The following LYN variants were observed in gnomAD, a reference collection of about 807,000 sequenced individuals.
The protein encoded by LYN is tyrosine-protein kinase Lyn.
Under a neutral mutation model 65.0 loss-of-function variants are expected in LYN, and 12 were observed. That is an observed-to-expected ratio of 0.18 (90% confidence interval 0.12 to 0.30). The LOEUF (loss-of-function observed/expected upper bound fraction) is 0.30, where lower values mean the gene tolerates loss of function less well. Among genes scored for constraint, LYN ranks in the 10% least tolerant of loss-of-function variants. The pLI, the probability that LYN is intolerant of heterozygous loss-of-function variation, is 1.00. For synonymous variants in LYN, 222 were observed against 221.2 expected (o/e 1.00, Z -0.03); for missense variants, 380 against 623.2 (o/e 0.61, Z 4.16).
chr8:56,012,886 C>T lies in LYN; in HGVS notation c.*2776C>T, dbSNP rs983441791. On this transcript the variant is annotated 3_prime_UTR_variant, in exon 13 of 13. Transcript: ENST00000519728. ...GGAAGAGAAGGAAGGAGGAAAAAAA[C>T]GTGCCTTCCTTCCTGGTGAACATGA... 4.6e-5 allele frequency: 7 copies of T among 152,126 alleles called. No homozygotes were observed. In the South Asian group the frequency reaches 6.2e-4, roughly 14 times the overall value. The allele number at this position is 152,126 out of a possible 1,614,324, so 9.4% of individuals were successfully genotyped here. A position where few individuals can be genotyped will look rare whatever the true frequency, so the allele number is the denominator to read the frequency against.
intron 10 of LYN, among the ~76,000 whole-genome samples, chr8:55,977,185 CA>C (rs908343757): frequency 4.8e-5 from 7 of 146,622 alleles, no homozygotes; most frequent in Non-Finnish European, 1.1e-4. Context: ...GACTCTGTCT[CA>C]AAAAAAAAAT....
At chr8:55,926,385 T>C (rs1806111313) in intron 1 of LYN, among the ~76,000 whole-genome samples, 1 of 152,246 alleles carries the variant, frequency 6.6e-6, no homozygotes, top group South Asian at 2.1e-4. Context: ...TGTATAGATG[T>C]GTAAGTTCAG....
chr8:55,923,657 G>C (rs953139560), intron 1 of LYN, among the ~76,000 whole-genome samples: 3 of 151,622 alleles, frequency 2.0e-5, no homozygotes, highest in African/African-American at 7.3e-5. Context: ...CTCCTGCCTC[G>C]GCCTCTTGAG....
rs1554519940 is a variant in LYN at position 56,008,123 on chromosome 8, A to AAAATAAAAAT, written c.1337-1782_1337-1781insTAAAAATAAA. On this transcript the variant is annotated intron_variant, in intron 12 of 12. Coordinates refer to ENST00000519728, the MANE Select transcript of LYN (RefSeq NM_002350.4). Reference sequence around the variant, plus strand: ...GAAAGAGGGAGACTCTGCCTCAAAAAAAAAATAAAATAAAATAAAATAAAA... The same window carrying AAAATAAAAAT: ...GAAAGAGGGAGACTCTGCCTCAAAAAAAATAAAAATAAAAATAAAATAAAATAAAATAAAA... 3.5e-4 allele frequency among the ~76,000 whole-genome samples: 49 copies of AAAATAAAAAT among 140,780 alleles called. 1 individual carries two copies. The highest frequency in any genetic ancestry group is 3.6e-3 in the Middle Eastern group (1 of 276). The allele number at this position is 140,780 out of a possible 152,430, so 92.4% of individuals were successfully genotyped here.
chr8:55,915,695 A>G (rs933318380), intron 1 of LYN, among the ~76,000 whole-genome samples: 7 of 152,204 alleles, frequency 4.6e-5, no homozygotes, highest in Admixed American at 3.3e-4. Context: ...GAGAAGAGCA[A>G]GACTCCGTCT....
intron 10 of LYN, among the ~76,000 whole-genome samples, chr8:55,987,048 C>G (rs1470866503): frequency 6.6e-6 from 1 of 152,144 alleles, no homozygotes; most frequent in Non-Finnish European, 1.5e-5. Context: ...ATCTGACTTT[C>G]TTATTTCTTT....
intron 10 of LYN, among the ~76,000 whole-genome samples, chr8:55,971,295 G>A (rs1807602803): frequency 6.6e-6 from 1 of 152,186 alleles, no homozygotes; most frequent in Non-Finnish European, 1.5e-5. Flanking sequence ...CAGAACTATA[G>A]TTTGAAAACC....
intron 9 of LYN, 133 bp downstream of exon 9, chr8:55,967,030 G>A: frequency 1.3e-6 from 1 of 750,830 alleles, no homozygotes; most frequent in Non-Finnish European, 2.1e-6. Flanking sequence ...AGGAAATATG[G>A]GAAGACAAAG....
At chr8:55,906,734 A>AAAAG (rs1554575481) in intron 1 of LYN, among the ~76,000 whole-genome samples, 1 of 123,840 alleles carries the variant, frequency 8.1e-6, no homozygotes, top group African/African-American at 3.6e-5. Flanking sequence ...AGAAAAAAAA[A>AAAAG]AGAGAGAGAG....
intron 1 of LYN, among the ~76,000 whole-genome samples, chr8:55,933,566 TCTCATGCCAAG>T (rs1666022277): frequency 6.6e-6 from 1 of 152,226 alleles, no homozygotes; most frequent in African/African-American, 2.4e-5. Context: ...TCACTTATCC[TCTCATGCCAAG>T]CCCAGTGATT....
chr8:55,969,791 C>T lies in LYN; in HGVS notation c.1048C>T (p.Gln350Ter). 2 of 1,613,934 alleles carry T rather than the reference C, an allele frequency of 1.2e-6. No homozygotes were observed. Among genetic ancestry groups the T allele is most frequent in the Non-Finnish European group, 1.7e-6 (2 of 1,179,826 alleles). Residue 350 changes from glutamine (Q) to a stop codon, truncating the protein, a stop_gained and splice_region_variant, in exon 10 of 13, where the codon CAG (glutamine) becomes TAG (stop). Coordinates refer to ENST00000519728, the MANE Select transcript of LYN (RefSeq NM_002350.4). LOFTEE classifies it high-confidence loss of function. ...LLPKLIDFSA[Q>*]IAEGMAYIER... The stretch of plus-strand genomic sequence containing the variant: ...TCCAAAGCTCATTGACTTTTCTGCT[C>T]AGGTAACATATTCAAAAAGCCCCGT...
intron 1 of LYN, among the ~76,000 whole-genome samples, chr8:55,883,190 T>TA (rs1804696790): frequency 6.6e-6 from 1 of 152,230 alleles, no homozygotes; most frequent in Non-Finnish European, 1.5e-5. Flanking sequence ...GTACTTGAAG[T>TA]ACAGTTTTTA....
At chr8:55,971,257 G>A (rs1162232769) in intron 10 of LYN, among the ~76,000 whole-genome samples, 3 of 152,200 alleles carry the variant, frequency 2.0e-5, no homozygotes, top group African/African-American at 7.2e-5. Context: ...GCTGGCCCCT[G>A]GGAGGCTCCA....
At chr8:56,006,861 CTCT>C (rs1808686767) in intron 12 of LYN, among the ~76,000 whole-genome samples, 2 of 152,222 alleles carry the variant, frequency 1.3e-5, no homozygotes, top group Admixed American at 1.3e-4. Context: ...GGTCCCTCTC[CTCT>C]TCTTATTTCT....
chr8:55,949,800 T>A (rs763609345), intron 4 of LYN, among the ~76,000 whole-genome samples: 1 of 152,188 alleles, frequency 6.6e-6, no homozygotes, highest in Non-Finnish European at 1.5e-5. Context: ...ATCCATCTAC[T>A]TAAAGTGTAC....
intron 10 of LYN, among the ~76,000 whole-genome samples, chr8:55,971,459 G>A (rs1274364477): frequency 6.6e-6 from 1 of 152,194 alleles, no homozygotes; most frequent in Admixed American, 6.5e-5. Flanking sequence ...TGATTTGGGT[G>A]TCCCCATGGG....
intron 1 of LYN, among the ~76,000 whole-genome samples, chr8:55,919,853 C>T (rs557251092): frequency 1.7e-4 from 25 of 145,712 alleles, no homozygotes; most frequent in African/African-American, 6.1e-4. Context: ...CAGGCAAAGA[C>T]GCTGCTTGGA....
rs192784965 is a variant in LYN at position 55,902,475 on chromosome 8, G to A, written c.-6+22372G>A. 1.2e-4 allele frequency among the ~76,000 whole-genome samples: 18 copies of A among 151,226 alleles called. No homozygotes were observed. The South Asian group carries it at 1.5e-3, about 12-fold the overall frequency. On this transcript the variant is annotated intron_variant, in intron 1 of 12. Transcript: ENST00000519728. ...CCTGAGTAGCTGGAATTACAGGTGCGCTCCACAACGCCCAGCTAATTTTTT... is the reference window on the plus strand; with the variant it reads ...CCTGAGTAGCTGGAATTACAGGTGCACTCCACAACGCCCAGCTAATTTTTT...
At chr8:55,892,247 C>T (rs941070967) in intron 1 of LYN, among the ~76,000 whole-genome samples, 1 of 152,072 alleles carries the variant, frequency 6.6e-6, no homozygotes, top group African/African-American at 2.4e-5. Flanking sequence ...AAAGTGAAAC[C>T]CCATCTCTTC....
Sources: allele counts gnomAD v4.1 joint callset (sites outside exome capture counted in the v4.1 genomes callset), GRCh38; gene constraint gnomAD v4.1.1; transcripts MANE v1.5; gene names NCBI Gene and HGNC (gene_info 2026-07-23, HGNC 2026-07-21).